Variants in CCDC80 observed in about 807,000 individuals in gnomAD.
CCDC80 encodes the protein coiled-coil domain containing 80, also known as coiled-coil domain-containing protein 80.
CCDC80 carries 49 observed loss-of-function variants against 78.7 expected under a neutral mutation model. That is an observed-to-expected ratio of 0.62 (90% CI 0.50 to 0.79). The LOEUF (loss-of-function observed/expected upper bound fraction) is 0.79. CCDC80 is among the 30% of genes least tolerant of loss of function. The probability of loss-of-function intolerance (pLI) is 0.00; values close to 1 mark genes in which losing one functional copy is unlikely to be tolerated. For synonymous variants in CCDC80, 488 were observed against 447.0 expected (o/e 1.09, Z -1.16); for missense variants, 1,205 against 1,198.6 (o/e 1.01, Z -0.08).
At chr3:112,635,513 A>G (rs1329541742) in intron 2 of CCDC80, among the ~76,000 whole-genome samples, 1 of 152,184 alleles carries the variant, frequency 6.6e-6, no homozygotes, top group Non-Finnish European at 1.5e-5. Context: ...TTTTTCACCC[A>G]TTGGTCTCCT....
intron 2 of CCDC80, among the ~76,000 whole-genome samples, chr3:112,636,230 C>G (rs1936204551): frequency 6.6e-6 from 1 of 152,174 alleles, no homozygotes; most frequent in African/African-American, 2.4e-5. Flanking sequence ...CACAGGCTCC[C>G]TAACAGACAT....
At chr3:112,632,801 G>A (rs1397333921) in intron 2 of CCDC80, among the ~76,000 whole-genome samples, 1 of 152,094 alleles carries the variant, frequency 6.6e-6, no homozygotes, top group Non-Finnish European at 1.5e-5. Flanking sequence ...GGTGACATTC[G>A]TTTTGCAGGA....
At chr3:112,607,880 CTT>C (rs1323568902) in intron 6 of CCDC80, among the ~76,000 whole-genome samples, 6 of 152,230 alleles carry the variant, frequency 3.9e-5, no homozygotes, top group East Asian at 1.9e-4. Context: ...TTTAGGATAA[CTT>C]AACTTTCAGA....
rs550317364 is a variant in CCDC80 at position 112,598,946 on chromosome 3, C to G, written c.*6471G>C. The G allele has an allele frequency of 1.3e-5, 2 of 152,268 alleles. No individual in the cohort carries two copies. Among genetic ancestry groups the G allele is most frequent in the South Asian group, 4.1e-4 (2 of 4,828 alleles). 9.4% of individuals were successfully genotyped at this position (152,268 alleles called of 1,614,324 possible). ...TATTTAATACCTTTCCCTATTCCCACAAAAATCTGGAACTGGGTTCTGAAC... is the reference window on the plus strand; with the variant it reads ...TATTTAATACCTTTCCCTATTCCCAGAAAAATCTGGAACTGGGTTCTGAAC... On this transcript the variant is annotated 3_prime_UTR_variant, in exon 8 of 8. Coordinates refer to ENST00000206423, the MANE Select transcript of CCDC80 (RefSeq NM_199511.3).
intron 2 of CCDC80, among the ~76,000 whole-genome samples, chr3:112,636,151 T>C (rs1936202840): frequency 6.6e-6 from 1 of 152,166 alleles, no homozygotes; most frequent in South Asian, 2.1e-4. Flanking sequence ...AAGTTGTAGG[T>C]ACTCAGGAGG....
At position 112,600,848 on chromosome 3, in the gene CCDC80, CCTTTA is replaced by C. The variant is rs1207414668; in HGVS notation, c.*4564_*4568del. 1 of 152,026 alleles carries C rather than the reference CCTTTA, an allele frequency of 6.6e-6. No individual in the cohort carries two copies. The highest frequency in any genetic ancestry group is 6.5e-5 in the Admixed American group (1 of 15,270). 9.4% of individuals were successfully genotyped at this position (152,026 alleles called of 1,614,324 possible). A position where few individuals can be genotyped will look rare whatever the true frequency, so the allele number is the denominator to read the frequency against. On this transcript the variant is annotated 3_prime_UTR_variant, in exon 8 of 8. Transcript: ENST00000206423. Reference sequence around the variant, plus strand: ...TTCCTGAAGTTGACATGATTTGGGTCCTTTACTTAGAAATTGTCATCACACAATTT... The same window carrying C: ...TTCCTGAAGTTGACATGATTTGGGTCCTTAGAAATTGTCATCACACAATTT...
Position 112,637,973 on chromosome 3 carries a change from C to A in CCDC80, c.1878+55G>T, listed in dbSNP as rs1014087719. On this transcript the variant is annotated intron_variant, in intron 2 of 7. Coordinates refer to ENST00000206423, the MANE Select transcript of CCDC80 (RefSeq NM_199511.3). ...ATTTTTACAAAACTAACAAGACAGACGTTAACATGCCCTGCCTCAGCCCAT... is the reference window on the plus strand; with the variant it reads ...ATTTTTACAAAACTAACAAGACAGAAGTTAACATGCCCTGCCTCAGCCCAT... 4 of 1,542,226 alleles carry A rather than the reference C, an allele frequency of 2.6e-6. No homozygotes were observed. In the African/African-American group the frequency reaches 5.6e-5, roughly 21 times the overall value.
chr3:112,636,514 T>C (rs1576795800), intron 2 of CCDC80, among the ~76,000 whole-genome samples: 1 of 152,242 alleles, frequency 6.6e-6, no homozygotes, highest in East Asian at 1.9e-4. Context: ...GCTAAGAAAA[T>C]TTGGGATATG....
At chr3:112,616,912 A>T in intron 4 of CCDC80, 54 bp from the exon 5 acceptor site, 1 of 1,568,278 alleles carries the variant, frequency 6.4e-7, no homozygotes, top group Non-Finnish European at 8.7e-7. Flanking sequence ...TCTTCTCTCT[A>T]TTCAGAGGAT....
chr3:112,636,338 C>T (rs953801890), intron 2 of CCDC80, among the ~76,000 whole-genome samples: 16 of 151,500 alleles, frequency 1.1e-4, no homozygotes, highest in Non-Finnish European at 1.6e-4. Context: ...AATATCCAAG[C>T]GACCTGATAA....
intron 2 of CCDC80, among the ~76,000 whole-genome samples, chr3:112,634,648 C>T (rs1044190529): frequency 1.3e-5 from 2 of 152,188 alleles, no homozygotes; most frequent in African/African-American, 4.8e-5. Context: ...TACCACTTAT[C>T]TGGGTGACTC....
At chr3:112,639,988 A>T in intron 1 of CCDC80, 72 bp from the exon 2 acceptor site, 1 of 1,492,150 alleles carries the variant, frequency 6.7e-7, no homozygotes, top group Non-Finnish European at 8.9e-7. Context: ...ATCTGGAAAC[A>T]GAGCTGGTCA....
Position 112,605,274 on chromosome 3 carries a change from G to A in CCDC80, c.*143C>T, listed in dbSNP as rs749908406. The stretch of plus-strand genomic sequence containing the variant: ...AATAATAACTCATGAATAGGTGAAA[G>A]TTTGCTATTTATTTAGTCTTAGAAA... On this transcript the variant is annotated 3_prime_UTR_variant, in exon 8 of 8. Transcript: ENST00000206423. The A allele has an allele frequency of 1.0e-5, 6 of 581,156 alleles. No individual in the cohort carries two copies. The highest frequency in any genetic ancestry group is 1.8e-5 in the Non-Finnish European group (6 of 335,068). 36.0% of individuals were successfully genotyped at this position (581,156 alleles called of 1,614,324 possible).
In CCDC80 at chr3:112,619,082, C is replaced by T. The variant is rs1324722857; in HGVS notation, c.2058G>A (p.Val686=). ...FQLDNEKPMR[V]VDDEDLVDQR... ...GGTCTACCAAGTCTTCATCATCCAC[C>T]ACTCGCATGGGCTTCTCATTATCTT... Residue 686 remains valine (V), a synonymous_variant, in exon 4 of 8, where the codon GTG becomes GTA. Coordinates refer to ENST00000206423, the MANE Select transcript of CCDC80 (RefSeq NM_199511.3). 3.7e-6 allele frequency: 6 copies of T among 1,600,884 alleles called. No homozygotes were observed. Among genetic ancestry groups the T allele is most frequent in the Non-Finnish European group, 5.1e-6 (6 of 1,175,358 alleles).
intron 2 of CCDC80, among the ~76,000 whole-genome samples, chr3:112,636,088 G>T (rs939891380): frequency 6.6e-6 from 1 of 152,174 alleles, no homozygotes; most frequent in African/African-American, 2.4e-5. Context: ...CATTTTGCCT[G>T]CCCTGTTGGC....
At chr3:112,605,802 ACAGT>A (rs771088220) in intron 7 of CCDC80, 39 bp from the exon 8 acceptor site, 9 of 1,523,024 alleles carry the variant, frequency 5.9e-6, no homozygotes, top group African/African-American at 1.4e-5. Context: ...AGTAGATTAA[ACAGT>A]CAGAGCCCAT....
At chr3:112,607,562 A>G (rs1006526463) in intron 6 of CCDC80, among the ~76,000 whole-genome samples, 1 of 152,264 alleles carries the variant, frequency 6.6e-6, no homozygotes, top group East Asian at 1.9e-4. Context: ...CGAGGTGGGC[A>G]GATCACGAGG....
intron 5 of CCDC80, among the ~76,000 whole-genome samples, chr3:112,611,961 G>A (rs1378568791): frequency 6.6e-6 from 1 of 151,434 alleles, no homozygotes; most frequent in African/African-American, 2.4e-5. Context: ...ATAGTTTGAT[G>A]AAATACAACC....
chr3:112,634,902 A>G (rs754877931), intron 2 of CCDC80, among the ~76,000 whole-genome samples: 3 of 152,236 alleles, frequency 2.0e-5, no homozygotes, highest in Non-Finnish European at 4.4e-5. Flanking sequence ...GGGTAACTTC[A>G]GGTTCTGTTT....
Sources: gnomAD v4.1 joint callset for allele counts (sites outside exome capture counted in the v4.1 genomes callset) on GRCh38, gnomAD v4.1.1 for gene constraint, MANE v1.5 for transcripts, NCBI Gene and HGNC (gene_info 2026-07-23, HGNC 2026-07-21) for gene names.